Variants in PCLO observed in about 807,000 individuals in gnomAD.
PCLO encodes piccolo presynaptic cytomatrix protein.
Under a neutral mutation model 427.5 loss-of-function variants are expected in PCLO, and 82 were observed. The ratio of observed to expected loss-of-function variants is 0.19; its 90% CI spans 0.16 to 0.23. The LOEUF is 0.23. PCLO is among the 10% of genes least tolerant of loss of function. The pLI, the probability that PCLO is intolerant of heterozygous loss-of-function variation, is 1.00. For missense variants in PCLO, 6,239 were observed against 6,115.9 expected (o/e 1.02, Z -0.67); for synonymous variants, 2,357 against 2,155.4 (o/e 1.09, Z -2.59).
At chr7:83,061,466 A>G (rs1292465410) in intron 3 of PCLO, among the ~76,000 whole-genome samples, 1 of 152,218 alleles carries the variant, frequency 6.6e-6, no homozygotes, top group Non-Finnish European at 1.5e-5. Context: ...TTGCCACATA[A>G]CATAATAAAA....
chr7:82,939,916 A>G (rs1475403241), intron 6 of PCLO, among the ~76,000 whole-genome samples: 4 of 151,630 alleles, frequency 2.6e-5, no homozygotes, highest in African/African-American at 9.6e-5. Context: ...AGACAATACT[A>G]TTCACTTTTG....
Position 82,884,180 on chromosome 7 carries a change from A to G in PCLO, c.13529-4718T>C, listed in dbSNP as rs565536477. Reference sequence around the variant, plus strand: ...ACACCTCTTTTCTAATGTAATCTAAATAATATTAATATTAAAATGTTATGT... The same window carrying G: ...ACACCTCTTTTCTAATGTAATCTAAGTAATATTAATATTAAAATGTTATGT... On this transcript the variant is annotated intron_variant, in intron 9 of 24. Coordinates refer to ENST00000333891, the MANE Select transcript of PCLO (RefSeq NM_033026.6). 2.0e-5 allele frequency among the ~76,000 whole-genome samples: 3 copies of G among 152,320 alleles called. No individual in the cohort carries two copies. The East Asian group carries it at 5.8e-4, about 29-fold the overall frequency.
chr7:82,949,550 A>G lies in PCLO; in HGVS notation c.11038T>C (p.Ser3680Pro). The G allele has an allele frequency of 6.2e-7, 1 of 1,613,880 alleles. No homozygotes were observed. The highest frequency in any genetic ancestry group is 8.5e-7 in the Non-Finnish European group (1 of 1,179,836). Residue 3680 changes from serine to proline, a missense_variant, in exon 6 of 25, where the codon TCT becomes CCT. By Grantham distance (74) the Ser-to-Pro change is moderately conservative (BLOSUM62 -1). Transcript: ENST00000333891. ...GTTGGACTCAGAGGCTTGGGGTCAG[A>G]CATAGAACGCTGCATCATCTTGGCT... ...KTAKMMQRSM[S>P]DPKPLSPTAD...
chr7:82,978,770 G>A (rs960488644), intron 3 of PCLO, among the ~76,000 whole-genome samples: 5 of 151,408 alleles, frequency 3.3e-5, no homozygotes, highest in Middle Eastern at 3.2e-3. Flanking sequence ...AATTTATTAT[G>A]AGCTGTGGCA....
intron 13 of PCLO, among the ~76,000 whole-genome samples, chr7:82,841,933 C>A (rs1268164228): frequency 6.6e-6 from 1 of 152,092 alleles, no homozygotes. Flanking sequence ...TCTTTCACTT[C>A]TTTGCTGAAT....
chr7:82,868,585 T>A lies in PCLO; in HGVS notation c.13654+10752A>T, dbSNP rs184631759. On this transcript the variant is annotated intron_variant, in intron 10 of 24. Coordinates refer to ENST00000333891, the MANE Select transcript of PCLO (RefSeq NM_033026.6). ...ACTATAATTCATGTCACAGAGGCAT[T>A]TCCTCACAGAATACCTATGGACAAA... Among the ~76,000 whole-genome samples, 288 of 152,310 alleles carry A rather than the reference T, an allele frequency of 1.9e-3. 3 individuals are homozygous for A. The highest frequency in any genetic ancestry group is 1.6e-3 in the Non-Finnish European group (108 of 68,022).
At position 82,954,034 on chromosome 7, in the gene PCLO, C is replaced by T; in HGVS notation, c.6919G>A (p.Glu2307Lys). Reference protein sequence around the residue: ...EKDPVKKAKKETGNGIILEVL... With the variant: ...EKDPVKKAKKKTGNGIILEVL... Reference sequence around the variant, plus strand: ...TCCAGAATGATTCCATTCCCAGTTTCCTTCTTGGCTTTCTTCACTGGGTCC... The same window carrying T: ...TCCAGAATGATTCCATTCCCAGTTTTCTTCTTGGCTTTCTTCACTGGGTCC... The change falls in exon 5 of 25, where the codon GAA (glutamate) becomes AAA (lysine). Residue 2307 changes from glutamate to lysine, a missense_variant. By Grantham distance (56) the Glu-to-Lys change is moderately conservative. Around this residue, in one of 5 missense-constraint regions of PCLO, gnomAD observed 4,677 missense variants for 4,468.4 expected, o/e 1.05. Coordinates refer to ENST00000333891, the MANE Select transcript of PCLO (RefSeq NM_033026.6). 1 of 1,613,758 alleles carries T rather than the reference C, an allele frequency of 6.2e-7. No individual in the cohort carries two copies. The highest frequency in any genetic ancestry group is 8.5e-7 in the Non-Finnish European group (1 of 1,179,834).
At chr7:82,884,939 A>G (rs1419531794) in intron 9 of PCLO, among the ~76,000 whole-genome samples, 1 of 152,200 alleles carries the variant, frequency 6.6e-6, no homozygotes, top group Non-Finnish European at 1.5e-5. Context: ...ATAAAATGTA[A>G]GTAGGAAGAA....
chr7:82,999,730 A>AATATAAAATATAATATATAATATTAT (rs1368087325), intron 3 of PCLO, among the ~76,000 whole-genome samples: 3 of 15,092 alleles, frequency 2.0e-4, no homozygotes, highest in Admixed American at 1.6e-3. Context: ...TATAATATTA[A>AATATAAAATATAATATATAATATTAT]ATATAAAATA....
rs1407361031 is a variant in PCLO at position 82,755,090 on chromosome 7, A to G, written c.*3485T>C. ...TTTTATTTTACTTCACATCACCACC[A>G]CCGCTAATATCACTACTGCTACCAC... is the stretch of plus-strand genomic sequence containing the variant. On this transcript the variant is annotated 3_prime_UTR_variant, in exon 25 of 25. Transcript: ENST00000333891. The G allele has an allele frequency of 6.6e-6, 1 of 152,006 alleles. No individual in the cohort carries two copies. The highest frequency in any genetic ancestry group is 1.5e-5 in the Non-Finnish European group (1 of 67,972). 9.4% of individuals were successfully genotyped at this position (152,006 alleles called of 1,614,324 possible).
At position 82,954,436 on chromosome 7, in the gene PCLO, C is replaced by A; in HGVS notation, c.6517G>T (p.Ala2173Ser). Reference protein sequence around the residue: ...ILTYSEPSESATSVPPSDTPS... With the variant: ...ILTYSEPSESSTSVPPSDTPS... ...GTGTCAGAGGGTGGGACAGATGTAG[C>A]ACTTTCTGAAGGCTCCGAGTAGGTC... The change falls in exon 5 of 25, where the codon GCT becomes TCT. Residue 2173 changes from alanine (A) to serine (S), a missense_variant. This residue lies in a region of PCLO where 4,677 missense variants were observed against 4,468.4 expected (regional missense o/e 1.05). Coordinates refer to ENST00000333891, the MANE Select transcript of PCLO (RefSeq NM_033026.6). 1 of 1,613,942 alleles carries A rather than the reference C, an allele frequency of 6.2e-7. No homozygotes were observed. The highest frequency in any genetic ancestry group is 8.5e-7 in the Non-Finnish European group (1 of 1,179,834).
rs2115805929 is a variant in PCLO at position 82,845,351 on chromosome 7, A to T, written c.13966T>A (p.Ser4656Thr). ...CTGGGAACGGAACTGGATCCTGCTG[A>T]TGTAGGACCTGAATGAACATGAGAT... The part of the protein sequence containing the change: ...KGSHVHSGPT[S>T]AGSSSVPSPG... The change falls in exon 13 of 25, where the codon TCA becomes ACA. Residue 4656 changes from serine to threonine, a missense_variant. Around this residue, in one of 5 missense-constraint regions of PCLO, gnomAD observed 877 missense variants for 925.5 expected, o/e 0.95. Transcript: ENST00000333891. 1 of 1,613,482 alleles carries T rather than the reference A, an allele frequency of 6.2e-7. No homozygotes were observed. The highest frequency in any genetic ancestry group is 1.1e-5 in the South Asian group (1 of 91,066).
chr7:83,098,047 G>A (rs969848448), intron 3 of PCLO, among the ~76,000 whole-genome samples: 1 of 151,982 alleles, frequency 6.6e-6, no homozygotes, highest in African/African-American at 2.4e-5. Flanking sequence ...TGTTATTAAG[G>A]AAACAAATTG....
intron 3 of PCLO, among the ~76,000 whole-genome samples, chr7:83,038,023 ATATATATTTATATATT>A (rs1224353773): frequency 3.8e-5 from 2 of 52,824 alleles, no homozygotes; most frequent in African/African-American, 2.8e-4. Context: ...ATATATATAT[ATATATATTTATATATT>A]TATATATATA....
intron 3 of PCLO, among the ~76,000 whole-genome samples, chr7:83,127,903 G>A (rs908710761): frequency 7.2e-5 from 11 of 152,008 alleles, no homozygotes; most frequent in Non-Finnish European, 1.2e-4. Context: ...GCCACACCAG[G>A]CATCAGCAGT....
intron 16 of PCLO, among the ~76,000 whole-genome samples, chr7:82,834,967 T>TGTTC (rs1199394396): frequency 5.3e-5 from 8 of 151,928 alleles, no homozygotes; most frequent in Admixed American, 2.0e-4. Context: ...TTTGTTTGTT[T>TGTTC]GTTTGTTTGT....
rs1202458015 is a variant in PCLO at position 82,952,095 on chromosome 7, C to G, written c.8858G>C (p.Cys2953Ser). Residue 2953 changes from cysteine to serine, a missense_variant, in exon 5 of 25, where the codon TGC (cysteine) becomes TCC (serine). Physicochemically the swap from Cys to Ser is moderately radical, Grantham distance 112. Transcript: ENST00000333891. ...VVYKLPFGRS[C>S]TAQQPATTLP... ...AGTAGTTGCAGGCTGCTGTGCTGTGCAGCTCCTTCCAAATGGTAATTTATA... is the reference window on the plus strand; with the variant it reads ...AGTAGTTGCAGGCTGCTGTGCTGTGGAGCTCCTTCCAAATGGTAATTTATA... The G allele has an allele frequency of 6.2e-7, 1 of 1,613,950 alleles. No homozygotes were observed. The highest frequency in any genetic ancestry group is 1.7e-5 in the Admixed American group (1 of 60,018).
intron 9 of PCLO, among the ~76,000 whole-genome samples, chr7:82,890,751 A>G (rs2116116771): frequency 6.6e-6 from 1 of 152,078 alleles, no homozygotes; most frequent in East Asian, 1.9e-4. Flanking sequence ...GTCTGAATAT[A>G]AATCTCTGAA....
At chr7:82,797,160 A>G (rs927758405) in intron 22 of PCLO, among the ~76,000 whole-genome samples, 1 of 152,108 alleles carries the variant, frequency 6.6e-6, no homozygotes, top group Admixed American at 6.6e-5. Context: ...TCTTACTGAA[A>G]CTAAATTGGA....
Sources: gnomAD v4.1 joint callset for allele counts (sites outside exome capture counted in the v4.1 genomes callset) on GRCh38, gnomAD v4.1.1 for gene constraint, gnomAD v4.1.1 regional missense constraint, MANE v1.5 for transcripts, NCBI Gene and HGNC (gene_info 2026-07-23, HGNC 2026-07-21) for gene names.